The following FRMD1 variants were observed in gnomAD, a reference collection of about 807,000 sequenced individuals.
FRMD1 encodes the protein FERM domain containing 1.
A neutral mutation model predicts 54.9 loss-of-function variants in FRMD1; 51 were observed. The ratio of observed to expected loss-of-function variants is 0.93; its 90% confidence interval spans 0.74 to 1.17. FRMD1 has a LOEUF of 1.17. Among genes scored for constraint, FRMD1 ranks in the 50% most tolerant of loss-of-function variants. FRMD1 has a pLI of 0.00. For synonymous variants in FRMD1, 324 were observed against 306.4 expected (o/e 1.06, Z -0.60); for missense variants, 729 against 743.0 (o/e 0.98, Z 0.22).
rs1379893427 is a variant in FRMD1, at chr6:168,061,996, G to C, written c.871-15C>G. 1.3e-6 allele frequency: 2 copies of C among 1,581,316 alleles called. No individual in the cohort carries two copies. Among genetic ancestry groups the C allele is most frequent in the Middle Eastern group, 2.2e-4 (1 of 4,542 alleles). The stretch of plus-strand genomic sequence containing the variant: ...AGCTTCTTTCCCTGAGCAAACAGGA[G>C]AGAAGTTGCCACTCCACAGGTGGAA... On this transcript the variant is annotated splice_polypyrimidine_tract_variant and intron_variant, in intron 7 of 10. Coordinates refer to ENST00000283309, the MANE Select transcript of FRMD1 (RefSeq NM_024919.6).
At chr6:168,057,461 AG>A in intron 10 of FRMD1, 122 bp from the exon 11 acceptor site, 1 of 1,443,364 alleles carries the variant, frequency 6.9e-7, no homozygotes, top group Non-Finnish European at 9.3e-7. Context: ...CCTGCGCCGC[AG>A]TGCATGGCCG....
In FRMD1 at chr6:168,067,174, C is replaced by T. The variant is rs554248598; in HGVS notation, c.384+193G>A. 42 of 689,890 alleles carry T rather than the reference C, an allele frequency of 6.1e-5. No individual in the cohort carries two copies. In the Middle Eastern group the frequency reaches 7.2e-4, roughly 12 times the overall value. 42.7% of individuals were successfully genotyped at this position (689,890 alleles called of 1,614,324 possible). ...CACATTGGTCCAGCACAGTCCACCG[C>T]GGTGCCTGCCCTCTCCCACCCCACG... On this transcript the variant is annotated intron_variant, in intron 3 of 10. Transcript: ENST00000283309.
In FRMD1 at chr6:168,061,936, T is replaced by A; in HGVS notation, c.916A>T (p.Lys306Ter). 4 of 1,600,992 alleles carry A rather than the reference T, an allele frequency of 2.5e-6. No individual in the cohort carries two copies. The highest frequency in any genetic ancestry group is 3.4e-6 in the Non-Finnish European group (4 of 1,175,012). Residue 306 changes from lysine (K) to a stop codon, truncating the protein, a stop_gained, in exon 8 of 11, where the codon AAG becomes TAG. Transcript: ENST00000283309. LOFTEE classifies it high-confidence loss of function. ...IQLDGLPAAQ[K>*]LVYYTGCTWR... Reference sequence around the variant, plus strand: ...GTGCACCCCGTGTAGTAAACCAGCTTCTGTGCTGCGGGCAGCCCATCCAGC... The same window carrying A: ...GTGCACCCCGTGTAGTAAACCAGCTACTGTGCTGCGGGCAGCCCATCCAGC...
chr6:168,060,649 C>T (rs1271267553), intron 9 of FRMD1, 112 bp downstream of exon 9: 2 of 1,087,194 alleles, frequency 1.8e-6, no homozygotes, highest in Non-Finnish European at 2.6e-6. Context: ...CACGTCTGGC[C>T]ACTGGAGGGC....
Position 168,056,988 on chromosome 6 carries a change from G to T in FRMD1, c.*109C>A, listed in dbSNP as rs949500909. 2.3e-6 allele frequency: 3 copies of T among 1,279,346 alleles called. No homozygotes were observed. Among genetic ancestry groups the T allele is most frequent in the African/African-American group, 3.1e-5 (2 of 65,500 alleles). The allele number at this position is 1,279,346 out of a possible 1,614,324, so 79.2% of individuals were successfully genotyped here. On this transcript the variant is annotated 3_prime_UTR_variant, in exon 11 of 11. Transcript: ENST00000283309. ...TGAACCTGTGGAGCGTGCTGGCTGCGGAAGTGCAGGCAGCATCTGGCGGGC... is the reference window on the plus strand; with the variant it reads ...TGAACCTGTGGAGCGTGCTGGCTGCTGAAGTGCAGGCAGCATCTGGCGGGC...
upstream of FRMD1, among the ~76,000 whole-genome samples, chr6:168,085,856 G>A (rs1026080241): frequency 2.0e-5 from 3 of 151,918 alleles, no homozygotes; most frequent in South Asian, 2.1e-4. Context: ...GCTCCCTATC[G>A]CCCAGCCACA....
chr6:168,079,297 C>T (rs1003021596), upstream of FRMD1: 11 of 993,130 alleles, frequency 1.1e-5, no homozygotes, highest in Admixed American at 1.5e-4. Flanking sequence ...GTGGAGGGCG[C>T]CAGGAATGCA....
upstream of FRMD1, chr6:168,081,727 G>A: frequency 2.2e-6 from 1 of 462,326 alleles, no homozygotes; most frequent in Non-Finnish European, 3.7e-6. Context: ...GATGCAAAAG[G>A]CCGGGCTCCA....
intron 2 of FRMD1, among the ~76,000 whole-genome samples, chr6:168,069,297 G>C (rs989264047): frequency 6.6e-5 from 10 of 152,222 alleles, no homozygotes; most frequent in Admixed American, 5.9e-4. Context: ...ATAAAATCTT[G>C]TTGGTAGACA....
At chr6:168,090,845 G>A (rs1359405107) in intron 1 of FRMD1, among the ~76,000 whole-genome samples, 2 of 152,206 alleles carry the variant, frequency 1.3e-5, no homozygotes, top group Non-Finnish European at 2.9e-5. Flanking sequence ...CCTCTTGGGG[G>A]CTACTCTGTC....
chr6:168,061,101 C>A (rs1405095960), intron 8 of FRMD1, 44 bp from the exon 9 acceptor site: 18 of 1,567,964 alleles, frequency 1.1e-5, no homozygotes, highest in Non-Finnish European at 1.7e-6. Context: ...TGGAGAGGGA[C>A]CAGCCCTGCT....
At chr6:168,085,279 G>T (rs867351321), upstream of FRMD1, among the ~76,000 whole-genome samples, 6 of 152,252 alleles carry the variant, frequency 3.9e-5, no homozygotes, top group African/African-American at 1.4e-4. Context: ...GAAGCTGCAG[G>T]AACTGACTCC....
Position 168,060,807 on chromosome 6 carries a change from G to A in FRMD1, c.1296C>T (p.Ser432=). The A allele has an allele frequency of 1.2e-6, 2 of 1,613,064 alleles. 1 individual carries two copies. The highest frequency in any genetic ancestry group is 2.7e-5 in the African/African-American group (2 of 75,046). ...HGLHEKEPSS[S]PRTSRSHPST... ...TGGGGTGGCTGCGGCTGGTCCTGGG[G>A]CTGGAGGACGGCTCCTTCTCATGGA... The change falls in exon 9 of 11, where the codon AGC becomes AGT. Residue 432 remains serine (S), a synonymous_variant. Coordinates refer to ENST00000283309, the MANE Select transcript of FRMD1 (RefSeq NM_024919.6).
chr6:168,057,454 G>T (rs1345541873), intron 10 of FRMD1, 115 bp from the exon 11 acceptor site: 1 of 1,475,194 alleles, frequency 6.8e-7, no homozygotes, highest in Middle Eastern at 2.3e-4. Context: ...TGCCCACCCT[G>T]CGCCGCAGTG....
At position 168,067,505 on chromosome 6, in the gene FRMD1, TG is replaced by T. The variant is rs1379131444; in HGVS notation, c.305-60del. On this transcript the variant is annotated intron_variant, in intron 2 of 10. Coordinates refer to ENST00000283309, the MANE Select transcript of FRMD1 (RefSeq NM_024919.6). ...TCACCATGCTTCTCAGGTGTCACCG[TG>T]TGTTCAAAACTGAGTGTGGCTTGGA... 5.4e-6 allele frequency: 6 copies of T among 1,119,620 alleles called. No homozygotes were observed. In the Admixed American group the frequency reaches 1.0e-4, roughly 19 times the overall value. 69.4% of individuals were successfully genotyped at this position (1,119,620 alleles called of 1,614,324 possible). A position where few individuals can be genotyped will look rare whatever the true frequency, so the allele number is the denominator to read the frequency against.
chr6:168,072,294 A>G (rs926114415), intron 2 of FRMD1, among the ~76,000 whole-genome samples: 2 of 151,908 alleles, frequency 1.3e-5, no homozygotes, highest in African/African-American at 4.8e-5. Context: ...CACCCTCAGA[A>G]CCCCCCAACA....
chr6:168,088,469 T>G (rs540215841), intron 1 of FRMD1, among the ~76,000 whole-genome samples: 2 of 152,330 alleles, frequency 1.3e-5, no homozygotes, highest in South Asian at 4.1e-4. Flanking sequence ...CTTGGAATTC[T>G]CCCTGCTGCC....
chr6:168,060,462 T>G (rs961614804), intron 9 of FRMD1, among the ~76,000 whole-genome samples: 3 of 152,048 alleles, frequency 2.0e-5, no homozygotes, highest in Non-Finnish European at 4.4e-5. Flanking sequence ...TGGACTCATC[T>G]GCAACCCCAA....
At chr6:168,092,163 C>T (rs1303703270) in intron 1 of FRMD1, among the ~76,000 whole-genome samples, 2 of 152,250 alleles carry the variant, frequency 1.3e-5, no homozygotes, top group African/African-American at 4.8e-5. Context: ...GCCACAGTGC[C>T]CCGTCTGCTC....
Sources: gnomAD v4.1 joint callset for allele counts (sites outside exome capture counted in the v4.1 genomes callset) on GRCh38, gnomAD v4.1.1 for gene constraint, MANE v1.5 for transcripts, NCBI Gene and HGNC (gene_info 2026-07-23, HGNC 2026-07-21) for gene names.